Variants in SLCO5A1 observed in about 807,000 individuals in gnomAD.
SLCO5A1 encodes the protein organic anion transporter polypeptide-related protein 4.
SLCO5A1 carries 39 observed loss-of-function variants against 65.1 expected under a neutral mutation model. The ratio of observed to expected loss-of-function variants is 0.60; its 90% CI spans 0.46 to 0.78. The LOEUF is 0.78. SLCO5A1 is among the 30% of genes least tolerant of loss of function. The pLI is 0.00. For synonymous variants in SLCO5A1, 438 were observed against 415.7 expected, an observed-to-expected ratio of 1.05 and a Z score of -0.65; for missense variants, 1,029 against 1,069.4, an observed-to-expected ratio of 0.96 and a Z score of 0.53.
chr8:69,802,926 T>A (rs906544313), intron 2 of SLCO5A1, among the ~76,000 whole-genome samples: 5 of 152,222 alleles, frequency 3.3e-5, no homozygotes, highest in Non-Finnish European at 5.9e-5. Flanking sequence ...GCATAACCTC[T>A]AGCACCCACA....
chr8:69,709,832 T>C (rs994713579), intron 5 of SLCO5A1, among the ~76,000 whole-genome samples: 8 of 152,160 alleles, frequency 5.3e-5, no homozygotes, highest in South Asian at 2.1e-4. Flanking sequence ...GAGGGTAATA[T>C]GGGTCCAGAC....
intron 2 of SLCO5A1, among the ~76,000 whole-genome samples, chr8:69,798,520 A>G (rs1436137965): frequency 6.6e-6 from 1 of 152,166 alleles, no homozygotes; most frequent in African/African-American, 2.4e-5. Context: ...GAGGTGCTAC[A>G]CACTTTTAAA....
At chr8:69,688,822 G>C (rs1016980960) in intron 6 of SLCO5A1, among the ~76,000 whole-genome samples, 2 of 152,172 alleles carry the variant, frequency 1.3e-5, no homozygotes, top group African/African-American at 4.8e-5. Context: ...CTTTATAACA[G>C]CATGATTTAT....
At chr8:69,812,979 T>A (rs114368109) in intron 2 of SLCO5A1, among the ~76,000 whole-genome samples, 1,891 of 152,316 alleles carry the variant, frequency 0.012, 24 homozygotes, top group African/African-American at 0.043. Flanking sequence ...TCAGGACACA[T>A]TCCCTTTCCA....
rs1160025076 is a variant in SLCO5A1, at chr8:69,669,444, C to T, written c.*3425G>A. 6.6e-6 allele frequency: 1 copy of T among 152,116 alleles called. No homozygotes were observed. Among genetic ancestry groups the T allele is most frequent in the Admixed American group, 6.5e-5 (1 of 15,272 alleles). The allele number at this position is 152,116 out of a possible 1,614,324, so 9.4% of individuals were successfully genotyped here. On this transcript the variant is annotated 3_prime_UTR_variant, in exon 10 of 10. Coordinates refer to ENST00000260126, the MANE Select transcript of SLCO5A1 (RefSeq NM_030958.3). ...AGTGAGAGAAATCTATGTCTGAATC[C>T]TGACTTTACCATTCTGTATGATCCT...
chr8:69,718,666 G>A (rs1399967945), intron 5 of SLCO5A1, among the ~76,000 whole-genome samples: 1 of 152,148 alleles, frequency 6.6e-6, no homozygotes, highest in African/African-American at 2.4e-5. Context: ...ACAAAAATAT[G>A]TAATTTTTAA....
At chr8:69,730,239 A>G (rs930360240) in intron 5 of SLCO5A1, among the ~76,000 whole-genome samples, 29 of 152,216 alleles carry the variant, frequency 1.9e-4, no homozygotes, top group Non-Finnish European at 2.8e-4. Context: ...GCAAAACAAA[A>G]CAGATAATAT....
intron 6 of SLCO5A1, among the ~76,000 whole-genome samples, chr8:69,699,751 G>C (rs767604606): frequency 1.3e-5 from 2 of 152,176 alleles, no homozygotes; most frequent in Non-Finnish European, 2.9e-5. Flanking sequence ...AAAAGTAAGA[G>C]AAAATATTCC....
intron 5 of SLCO5A1, among the ~76,000 whole-genome samples, chr8:69,719,274 G>T (rs1267511633): frequency 2.0e-5 from 3 of 152,094 alleles, no homozygotes; most frequent in Non-Finnish European, 4.4e-5. Context: ...TTGTTTGTTT[G>T]TTTCAAAAGA....
chr8:69,693,106 C>A (rs1814346606), intron 6 of SLCO5A1, among the ~76,000 whole-genome samples: 1 of 152,196 alleles, frequency 6.6e-6, no homozygotes, highest in Non-Finnish European at 1.5e-5. Context: ...AGGAATTTTT[C>A]AGCTCCATTA....
chr8:69,691,747 A>G lies in SLCO5A1; in HGVS notation c.1623-9404T>C, dbSNP rs116785327. On this transcript the variant is annotated intron_variant, in intron 6 of 9. Transcript: ENST00000260126. Reference sequence around the variant, plus strand: ...AGGGACACATTCTGAGAAATGCATCATCAGGTGGTTTCATCACTGTACAAA... The same window carrying G: ...AGGGACACATTCTGAGAAATGCATCGTCAGGTGGTTTCATCACTGTACAAA... 1.4e-3 allele frequency among the ~76,000 whole-genome samples: 214 copies of G among 152,352 alleles called. 1 individual carries two copies. The highest frequency in any genetic ancestry group is 4.9e-3 in the African/African-American group (203 of 41,578).
At chr8:69,767,455 C>A (rs1159386644) in intron 2 of SLCO5A1, among the ~76,000 whole-genome samples, 3 of 152,188 alleles carry the variant, frequency 2.0e-5, no homozygotes, top group Non-Finnish European at 4.4e-5. Flanking sequence ...GGACCTTGAG[C>A]AAGTTGCTTA....
intron 2 of SLCO5A1, chr8:69,794,404 T>G (rs1819398997): frequency 2.2e-6 from 1 of 447,808 alleles, no homozygotes; most frequent in Non-Finnish European, 4.4e-6. Context: ...TTAGACACCA[T>G]CAGGGTCCAA....
chr8:69,775,556 C>T (rs568506553), intron 2 of SLCO5A1, among the ~76,000 whole-genome samples: 45 of 152,178 alleles, frequency 3.0e-4, no homozygotes, highest in Admixed American at 2.6e-4. Flanking sequence ...ATCAGGAAGG[C>T]ATGTAAAATA....
chr8:69,699,986 T>C (rs2959583), intron 6 of SLCO5A1, among the ~76,000 whole-genome samples: 77,906 of 152,000 alleles, frequency 0.51, 20,117 homozygotes, highest in South Asian at 0.62. Flanking sequence ...TGGTGGACAC[T>C]TGCAGTGGAT....
At chr8:69,810,571 A>G (rs1426121133) in intron 2 of SLCO5A1, among the ~76,000 whole-genome samples, 1 of 152,334 alleles carries the variant, frequency 6.6e-6, no homozygotes, top group East Asian at 1.9e-4. Flanking sequence ...TATTTCAGAC[A>G]TCACTTTCAA....
chr8:69,673,785 T>C (rs982966000), intron 9 of SLCO5A1, among the ~76,000 whole-genome samples: 1 of 152,226 alleles, frequency 6.6e-6, no homozygotes, highest in African/African-American at 2.4e-5. Context: ...GGTTGGGCTT[T>C]AGTCCTTGGA....
intron 2 of SLCO5A1, among the ~76,000 whole-genome samples, chr8:69,819,319 A>G (rs1333276940): frequency 6.6e-6 from 1 of 151,792 alleles, no homozygotes; most frequent in Non-Finnish European, 1.5e-5. Flanking sequence ...CATAAGTACC[A>G]CCGAGACACC....
At chr8:69,752,951 A>G (rs374013704) in intron 4 of SLCO5A1, among the ~76,000 whole-genome samples, 5 of 152,388 alleles carry the variant, frequency 3.3e-5, no homozygotes, top group Admixed American at 1.3e-4. Context: ...AAAAGAAAAT[A>G]TCTTGAACCA....
Sources: gnomAD v4.1 joint callset for allele counts (sites outside exome capture counted in the v4.1 genomes callset) on GRCh38, gnomAD v4.1.1 for gene constraint, MANE v1.5 for transcripts, NCBI Gene and HGNC (gene_info 2026-07-23, HGNC 2026-07-21) for gene names.